The following TJP2 variants were observed in gnomAD, a reference collection of about 807,000 sequenced individuals.
The protein encoded by TJP2 is tight junction protein 2, also known as Friedreich ataxia region gene X104 (tight junction protein ZO-2).
TJP2 carries 91 observed loss-of-function variants against 133.1 expected under a neutral mutation model. The observed-to-expected ratio is 0.68, with a 90% confidence interval of 0.58 to 0.81. The LOEUF (loss-of-function observed/expected upper bound fraction) is 0.81. Ranked by LOEUF, TJP2 falls within the 40% of genes least tolerant of loss-of-function variation. The pLI is 0.00. For synonymous variants in TJP2, 592 were observed against 583.4 expected, an observed-to-expected ratio of 1.01 and a Z score of -0.21; for missense variants, 1,541 against 1,565.6, an observed-to-expected ratio of 0.98 and a Z score of 0.26.
intron 1 of TJP2, among the ~76,000 whole-genome samples, chr9:69,199,971 G>T (rs1826868823): frequency 6.6e-6 from 1 of 152,194 alleles, no homozygotes; most frequent in Non-Finnish European, 1.5e-5. Flanking sequence ...AGTACTGGGT[G>T]TGGTGCCCTG....
upstream of TJP2, among the ~76,000 whole-genome samples, chr9:69,172,781 C>T (rs116968522): frequency 0.015 from 2,318 of 152,028 alleles, 40 homozygotes; most frequent in Non-Finnish European, 0.019. Context: ...CTATGTTGCC[C>T]AGACTGGTCT....
intron 1 of TJP2, among the ~76,000 whole-genome samples, chr9:69,184,711 A>T (rs912583557): frequency 9.9e-5 from 15 of 150,816 alleles, no homozygotes; most frequent in African/African-American, 3.7e-4. Flanking sequence ...TTCCTCAAGA[A>T]CTGCTGCTGC....
At chr9:69,202,384 TTGG>T (rs1827057747) in intron 1 of TJP2, among the ~76,000 whole-genome samples, 1 of 152,120 alleles carries the variant, frequency 6.6e-6, no homozygotes, top group African/African-American at 2.4e-5. Context: ...CACATGAGTT[TTGG>T]TGGGACACAT....
Position 69,174,307 on chromosome 9 carries a change from T to TAGGAGCAGGAGCAGGAGC in TJP2, c.-52_-51insGAGCAGGAGCAGGAGCAG. 6.5e-7 allele frequency: 1 copy of TAGGAGCAGGAGCAGGAGC among 1,547,930 alleles called. No individual in the cohort carries two copies. Among genetic ancestry groups the TAGGAGCAGGAGCAGGAGC allele is most frequent in the African/African-American group, 1.4e-5 (1 of 72,260 alleles). ...ACTGTCCGGTGGTGCCCAGGAGGAG[T>TAGGAGCAGGAGCAGGAGC]AGGAGCAGGAGCAGAAGCAGAAGCG... On this transcript the variant is annotated 5_prime_UTR_variant, in exon 1 of 23. Coordinates refer to ENST00000377245, the MANE Select transcript of TJP2 (RefSeq NM_004817.4).
In TJP2 at chr9:69,218,367, C is replaced by T; in HGVS notation, c.342+8C>T. On this transcript the variant is annotated splice_region_variant and intron_variant, in intron 4 of 22. Transcript: ENST00000377245. ...GGGAAGGTCGCTGCTATTGTAAGTA[C>T]TGGGTTTGCTTTCAGCTTGCCTTAA... is the stretch of plus-strand genomic sequence containing the variant. 1 of 1,612,110 alleles carries T rather than the reference C, an allele frequency of 6.2e-7. No homozygotes were observed.
At chr9:69,227,392 C>T (rs1000265316) in intron 7 of TJP2, among the ~76,000 whole-genome samples, 1 of 152,128 alleles carries the variant, frequency 6.6e-6, no homozygotes, top group Admixed American at 6.5e-5. Flanking sequence ...CTCAACTGCC[C>T]CACAACAACT....
chr9:69,203,516 C>G (rs10870015), intron 1 of TJP2, among the ~76,000 whole-genome samples: 57,296 of 150,144 alleles, frequency 0.38, 11,124 homozygotes, highest in South Asian at 0.45. Context: ...GTTGGCCAGG[C>G]TGGTCTTGAA....
At chr9:69,160,647 G>A (rs1264390643) in intron 2 of TJP2, among the ~76,000 whole-genome samples, 2 of 152,308 alleles carry the variant, frequency 1.3e-5, no homozygotes, top group South Asian at 4.1e-4. Context: ...TGGTGTATTA[G>A]TCTATTTTCA....
At chr9:69,141,521 AAAG>A (rs1056924099) in intron 1 of TJP2, among the ~76,000 whole-genome samples, 3 of 152,218 alleles carry the variant, frequency 2.0e-5, no homozygotes, top group Admixed American at 6.5e-5. Context: ...AGGAATGGAA[AAAG>A]AAGGACAGAT....
chr9:69,199,631 T>G (rs1335211179), intron 1 of TJP2, among the ~76,000 whole-genome samples: 1 of 152,184 alleles, frequency 6.6e-6, no homozygotes, highest in Non-Finnish European at 1.5e-5. Flanking sequence ...CTCCCGAAGT[T>G]TCACATCTGC....
chr9:69,202,919 A>G (rs769633050), intron 1 of TJP2, among the ~76,000 whole-genome samples: 1 of 152,234 alleles, frequency 6.6e-6, no homozygotes, highest in African/African-American at 2.4e-5. Flanking sequence ...TAGGTTATAT[A>G]TTCTTCAGCA....
intron 18 of TJP2, 49 bp downstream of exon 18, chr9:69,246,839 A>G: frequency 6.5e-7 from 1 of 1,532,752 alleles, no homozygotes; most frequent in Non-Finnish European, 9.0e-7. Context: ...CTGTTCTGAA[A>G]CTTTTCTCAA....
At chr9:69,152,244 G>C (rs916135404) in intron 2 of TJP2, among the ~76,000 whole-genome samples, 1 of 152,222 alleles carries the variant, frequency 6.6e-6, no homozygotes, top group Admixed American at 6.5e-5. Flanking sequence ...CAAGCTTTTA[G>C]TGAAAGAGCT....
chr9:69,233,815 C>T (rs1188304077), intron 11 of TJP2, among the ~76,000 whole-genome samples: 1 of 151,934 alleles, frequency 6.6e-6, no homozygotes, highest in East Asian at 1.9e-4. Context: ...TTCAAAATGT[C>T]TTGTTCTTTG....
intron 17 of TJP2, among the ~76,000 whole-genome samples, chr9:69,240,757 G>A (rs183751414): frequency 6.6e-6 from 1 of 151,646 alleles, no homozygotes; most frequent in Admixed American, 6.6e-5. Context: ...AGCTGTGATG[G>A]CACTGCTGCA....
intron 3 of TJP2, 39 bp from the exon 4 acceptor site, chr9:69,218,218 G>T: frequency 7.0e-7 from 1 of 1,428,336 alleles, no homozygotes; most frequent in South Asian, 1.1e-5. Context: ...ATGAATAGAT[G>T]GGAGTTTTTC....
intron 1 of TJP2, among the ~76,000 whole-genome samples, chr9:69,187,399 T>C (rs960951548): frequency 6.6e-6 from 1 of 152,182 alleles, no homozygotes; most frequent in African/African-American, 2.4e-5. Context: ...GGCTTTATAT[T>C]TGTGTTGTCA....
At chr9:69,207,476 C>T (rs1827524436) in intron 1 of TJP2, among the ~76,000 whole-genome samples, 1 of 152,086 alleles carries the variant, frequency 6.6e-6, no homozygotes, top group African/African-American at 2.4e-5. Context: ...GGGATATTTT[C>T]CAAGTTTTGG....
chr9:69,178,327 C>T (rs988003126), intron 1 of TJP2, among the ~76,000 whole-genome samples: 12 of 152,142 alleles, frequency 7.9e-5, no homozygotes, highest in Non-Finnish European at 8.8e-5. Flanking sequence ...AAACCAGCTA[C>T]CACATCCATT....
Sources: allele counts gnomAD v4.1 joint callset (sites outside exome capture counted in the v4.1 genomes callset), GRCh38; gene constraint gnomAD v4.1.1; transcripts MANE v1.5; gene names NCBI Gene and HGNC (gene_info 2026-07-23, HGNC 2026-07-21).